Variants in ZNF638 observed in about 807,000 individuals in gnomAD.
ZNF638 encodes zinc finger protein 638, also known as CTCL tumor antigen se33-1.
Under a neutral mutation model 195.6 loss-of-function variants are expected in ZNF638, and 46 were observed. The observed-to-expected ratio is 0.24, with a 90% CI of 0.19 to 0.30. The LOEUF is 0.30. Among genes scored for constraint, ZNF638 ranks in the 10% least tolerant of loss-of-function variants. ZNF638 has a pLI of 1.00. For synonymous variants in ZNF638, 845 were observed against 772.0 expected (o/e 1.09, Z -1.57); for missense variants, 2,440 against 2,325.3 (o/e 1.05, Z -1.01).
chr2:71,377,352 A>C (rs1162003147), intron 8 of ZNF638, among the ~76,000 whole-genome samples: 1 of 152,188 alleles, frequency 6.6e-6, no homozygotes, highest in South Asian at 2.1e-4. Context: ...TGCAAAAAAA[A>C]CAATTTTTAA....
chr2:71,400,208 C>G, intron 14 of ZNF638, 28 bp downstream of exon 14: 1 of 1,562,602 alleles, frequency 6.4e-7, no homozygotes, highest in South Asian at 1.2e-5. Flanking sequence ...TTATTTTGTT[C>G]TTTACTTATT....
At chr2:71,384,987 G>T (rs1026373254) in intron 10 of ZNF638, among the ~76,000 whole-genome samples, 12 of 152,070 alleles carry the variant, frequency 7.9e-5, no homozygotes, top group East Asian at 1.9e-4. Context: ...AAGCAATATC[G>T]ATTTCAGCTA....
intron 3 of ZNF638, among the ~76,000 whole-genome samples, chr2:71,359,113 C>T (rs191903339): frequency 1.3e-5 from 2 of 152,240 alleles, no homozygotes; most frequent in African/African-American, 4.8e-5. Context: ...TACAGTATCT[C>T]TGAGGTATGC....
intron 10 of ZNF638, among the ~76,000 whole-genome samples, chr2:71,386,465 A>C (rs760896787): frequency 3.9e-5 from 6 of 152,194 alleles, no homozygotes; most frequent in Non-Finnish European, 8.8e-5. Context: ...TAAACTGAGA[A>C]TATGCATCAA....
At chr2:71,337,759 T>C (rs1434160047) in intron 1 of ZNF638, among the ~76,000 whole-genome samples, 2 of 122,998 alleles carry the variant, frequency 1.6e-5, no homozygotes, top group African/African-American at 2.8e-5. Flanking sequence ...TGACCCAATA[T>C]TGTTTTTTAT....
chr2:71,340,392 C>T (rs746174198), intron 1 of ZNF638, among the ~76,000 whole-genome samples: 6 of 152,240 alleles, frequency 3.9e-5, no homozygotes, highest in East Asian at 1.9e-4. Flanking sequence ...GCTTTATCTG[C>T]GTGGTAGGAG....
rs780177738 is a variant in ZNF638 at position 71,422,858 on chromosome 2, C to G, written c.3344C>G (p.Thr1115Arg). ...CCAATTGATGAAAGTGAGGTGCAAA[C>G]AGCAACTGATAGTCCCTCTGTTAAA... ...NSPIDESEVQ[T>R]ATDSPSVKPN... The change falls in exon 22 of 28, where the codon ACA (threonine) becomes AGA (arginine). Residue 1115 changes from threonine to arginine, a missense_variant. Coordinates refer to ENST00000264447, the MANE Select transcript of ZNF638 (RefSeq NM_014497.5). 2 of 1,613,818 alleles carry G rather than the reference C, an allele frequency of 1.2e-6. No homozygotes were observed. The highest frequency in any genetic ancestry group is 1.3e-5 in the African/African-American group (1 of 74,916).
rs560133700 is a variant in ZNF638, at chr2:71,345,601, C to T, written c.-202-3152C>T. Among the ~76,000 whole-genome samples, 114 of 151,778 alleles carry T rather than the reference C, an allele frequency of 7.5e-4. 2 individuals are homozygous for T. Among genetic ancestry groups the T allele is most frequent in the Non-Finnish European group, 1.4e-3 (92 of 67,904 alleles). Reference sequence around the variant, plus strand: ...CTCACCATGTTGCCCAGGCTGGCCTCGAACTCCTGGGCTCAAAGCAGTCCT... The same window carrying T: ...CTCACCATGTTGCCCAGGCTGGCCTTGAACTCCTGGGCTCAAAGCAGTCCT... On this transcript the variant is annotated intron_variant, in intron 1 of 27. Coordinates refer to ENST00000264447, the MANE Select transcript of ZNF638 (RefSeq NM_014497.5).
intron 19 of ZNF638, chr2:71,407,671 G>A (rs2080132771): frequency 6.6e-6 from 1 of 152,424 alleles, no homozygotes; most frequent in African/African-American, 2.4e-5. Flanking sequence ...TCCTCAAACT[G>A]AAGTTTTCTA....
chr2:71,383,093 C>T (rs1026760595), intron 10 of ZNF638, among the ~76,000 whole-genome samples: 15 of 152,098 alleles, frequency 9.9e-5, no homozygotes, highest in African/African-American at 3.4e-4. Flanking sequence ...GAGTTTGAGG[C>T]GGGTGCATCA....
chr2:71,360,569 TTTG>T (rs761219500), intron 3 of ZNF638, among the ~76,000 whole-genome samples: 17 of 152,302 alleles, frequency 1.1e-4, no homozygotes, highest in Non-Finnish European at 1.8e-4. Context: ...TCGTTTGTTT[TTTG>T]TTTTGTTTGT....
chr2:71,431,220 A>T, intron 25 of ZNF638, 107 bp from the exon 26 acceptor site: 1 of 900,570 alleles, frequency 1.1e-6, no homozygotes. Context: ...TGGGATTAAC[A>T]AAGGGAGGTT....
chr2:71,376,740 G>A (rs2079434436), intron 8 of ZNF638, among the ~76,000 whole-genome samples: 2 of 151,986 alleles, frequency 1.3e-5, no homozygotes, highest in Non-Finnish European at 2.9e-5. Context: ...ATATCCCTAT[G>A]TTAATATGGA....
rs1322151654 is a variant in ZNF638 at position 71,365,531 on chromosome 2, C to T, written c.1820C>T (p.Ala607Val). ...LEAADKGHSPAQKPKTSSGTK... is the reference protein window; with the variant it reads ...LEAADKGHSPVQKPKTSSGTK... ...GCTGCTGATAAGGGACATTCACCAG[C>T]ACAAAAGCCTAAAACTAGCAGTGGA... The change falls in exon 6 of 28, where the codon GCA becomes GTA. Residue 607 changes from alanine to valine, a missense_variant. Transcript: ENST00000264447. The T allele has an allele frequency of 6.2e-7, 1 of 1,614,054 alleles. No individual in the cohort carries two copies. The highest frequency in any genetic ancestry group is 8.5e-7 in the Non-Finnish European group (1 of 1,180,016).
Position 71,399,634 on chromosome 2 carries a change from T to C in ZNF638, c.2576T>C (p.Val859Ala), listed in dbSNP as rs1264006477. ...NVKNKDSNKP[V>A]TIPENSEIKT... is the part of the protein sequence containing the mutation. ...AAAAACAAAGACTCTAACAAACCTG[T>C]GACTATACCAGGTAAGCTTGAAATG... The change falls in exon 13 of 28, where the codon GTG becomes GCG. Residue 859 changes from valine (V) to alanine (A), a missense_variant. This residue lies in a region of ZNF638 where 1,883 missense variants were observed against 1,739.1 expected (regional missense o/e 1.08). Coordinates refer to ENST00000264447, the MANE Select transcript of ZNF638 (RefSeq NM_014497.5). 1.2e-6 allele frequency: 2 copies of C among 1,610,548 alleles called. No individual in the cohort carries two copies. Among genetic ancestry groups the C allele is most frequent in the Admixed American group, 1.7e-5 (1 of 59,500 alleles).
rs529045257 is a variant in ZNF638, at chr2:71,416,833, G to A, written c.3262-1769G>A. Among the ~76,000 whole-genome samples, 471 of 133,426 alleles carry A rather than the reference G, an allele frequency of 3.5e-3. 4 individuals carry two copies. The highest frequency in any genetic ancestry group is 0.012 in the African/African-American group (429 of 34,686). 87.5% of individuals were successfully genotyped at this position (133,426 alleles called of 152,430 possible). On this transcript the variant is annotated intron_variant, in intron 20 of 27. Transcript: ENST00000264447. ...ACCCACTTGAGGAGGCAGTCTGCCC[G>A]TTCTCAGATCTCCAGCTGCGTGCTG...
At chr2:71,419,974 C>CCCT (rs1189202093) in intron 21 of ZNF638, among the ~76,000 whole-genome samples, 3 of 27,020 alleles carry the variant, frequency 1.1e-4, no homozygotes, top group African/African-American at 3.2e-4. Context: ...CCCCCCCCGC[C>CCCT]TTTTTTTTTT....
At chr2:71,379,937 CAT>C (rs2079505520) in intron 8 of ZNF638, 2 of 187,982 alleles carry the variant, frequency 1.1e-5, no homozygotes, top group East Asian at 1.2e-4. Flanking sequence ...GGAAAAAAAA[CAT>C]AGTATATATA....
intron 20 of ZNF638, 35 bp from the exon 21 acceptor site, chr2:71,418,567 G>T: frequency 1.4e-6 from 2 of 1,443,306 alleles, no homozygotes. Context: ...AAATCCAGTG[G>T]AATAGCCTCT....
Sources: gnomAD v4.1 joint callset for allele counts (sites outside exome capture counted in the v4.1 genomes callset) on GRCh38, gnomAD v4.1.1 for gene constraint, gnomAD v4.1.1 regional missense constraint, MANE v1.5 for transcripts, NCBI Gene and HGNC (gene_info 2026-07-23, HGNC 2026-07-21) for gene names.